The following ZFAT variants were observed in gnomAD, a reference collection of about 807,000 sequenced individuals.
ZFAT encodes zinc finger and AT-hook domain containing.
A neutral mutation model predicts 117.7 loss-of-function variants in ZFAT; 64 were observed. The ratio of observed to expected loss-of-function variants is 0.54; its 90% CI spans 0.44 to 0.67. The LOEUF (loss-of-function observed/expected upper bound fraction) is 0.67, where lower values mean the gene tolerates loss of function less well. ZFAT is among the 30% of genes least tolerant of loss of function. The pLI is 0.00. For synonymous variants in ZFAT, 679 were observed against 615.0 expected (o/e 1.10, Z -1.54); for missense variants, 1,433 against 1,584.5 (o/e 0.90, Z 1.62).
chr8:134,799,684 G>A, the ZFAT span, among the ~76,000 whole-genome samples: 2 of 152,152 alleles, frequency 1.3e-5, no homozygotes, highest in Admixed American at 1.3e-4. Context: ...GAAGTAACTC[G>A]CAGAATCAAG....
At chr8:134,675,969 A>G (rs763871102) in intron 1 of ZFAT, among the ~76,000 whole-genome samples, 7 of 152,172 alleles carry the variant, frequency 4.6e-5, no homozygotes, top group African/African-American at 7.2e-5. Flanking sequence ...AGGAACAACC[A>G]GCACCAGCCA....
chr8:134,538,773 G>C (rs926157431), intron 11 of ZFAT, among the ~76,000 whole-genome samples: 7 of 148,416 alleles, frequency 4.7e-5, no homozygotes, highest in Non-Finnish European at 7.4e-5. Context: ...TTCCAGCCTG[G>C]GTGACAAAGT....
chr8:134,502,019 C>A (rs192705466), intron 15 of ZFAT, among the ~76,000 whole-genome samples: 5 of 152,324 alleles, frequency 3.3e-5, no homozygotes, highest in African/African-American at 1.2e-4. Flanking sequence ...TCTTTCAGAT[C>A]TTTTGCTGTG....
Position 134,509,619 on chromosome 8 carries a change from C to T in ZFAT, c.3492G>A (p.Gln1164=). Residue 1164 remains glutamine, a splice_region_variant and synonymous_variant, in exon 15 of 16, where the codon CAG becomes CAA. Transcript: ENST00000377838. ...MAPGTVTVVK[Q]VTEEEPSSNH... ...ATAGTTACAGAAGGAGGGTCCCTAC[C>T]TGCTTAACCACAGTCACCGTCCCTG... 2.5e-6 allele frequency: 4 copies of T among 1,613,422 alleles called. No individual in the cohort carries two copies. Among genetic ancestry groups the T allele is most frequent in the Non-Finnish European group, 3.4e-6 (4 of 1,179,756 alleles).
the ZFAT span, among the ~76,000 whole-genome samples, chr8:134,786,820 A>C: frequency 1.3e-4 from 19 of 147,460 alleles, no homozygotes; most frequent in Admixed American, 3.4e-4. Flanking sequence ...TTCATGCCTT[A>C]TTTCTTTCCT....
In ZFAT at chr8:134,667,727, G is replaced by A. The variant is rs141656266; in HGVS notation, c.20-9990C>T. 2.0e-4 allele frequency among the ~76,000 whole-genome samples: 30 copies of A among 152,206 alleles called. 1 individual carries two copies. Among genetic ancestry groups the A allele is most frequent in the African/African-American group, 3.6e-4 (15 of 41,554 alleles). On this transcript the variant is annotated intron_variant, in intron 1 of 15. Transcript: ENST00000377838. Reference sequence around the variant, plus strand: ...TTTATGGATTTCCAACTGAGGTACCGGGTTCATGTCACTGGGGCTCGTCGG... The same window carrying A: ...TTTATGGATTTCCAACTGAGGTACCAGGTTCATGTCACTGGGGCTCGTCGG...
At chr8:134,702,145 A>C (rs916544348) in intron 1 of ZFAT, among the ~76,000 whole-genome samples, 6 of 152,252 alleles carry the variant, frequency 3.9e-5, no homozygotes, top group Non-Finnish European at 7.3e-5. Context: ...CACCAGATGC[A>C]GCCCCTTGAC....
chr8:134,695,422 A>G (rs544700655), intron 1 of ZFAT, among the ~76,000 whole-genome samples: 37 of 148,670 alleles, frequency 2.5e-4, no homozygotes, highest in Non-Finnish European at 4.5e-4. Context: ...GCCATCTCCA[A>G]CCAAGGAGGC....
chr8:134,606,547 T>G (rs1053877297), intron 5 of ZFAT, among the ~76,000 whole-genome samples: 1 of 151,834 alleles, frequency 6.6e-6, no homozygotes, highest in African/African-American at 2.4e-5. Context: ...AAACCCCAAC[T>G]CTACTGAAAA....
At chr8:134,493,682 C>T (rs892734985) in intron 15 of ZFAT, among the ~76,000 whole-genome samples, 9 of 152,174 alleles carry the variant, frequency 5.9e-5, no homozygotes, top group Admixed American at 2.6e-4. Flanking sequence ...GCGTGAGGCA[C>T]GGCACTCATG....
the ZFAT span, among the ~76,000 whole-genome samples, chr8:134,754,102 G>A: frequency 6.6e-6 from 1 of 152,212 alleles, no homozygotes; most frequent in East Asian, 1.9e-4. Flanking sequence ...GGTGACTGGG[G>A]AAGCAGGGTG....
In ZFAT at chr8:134,602,747, C is replaced by T; in HGVS notation, c.972G>A (p.Glu324=). ...ACGAGCAATAGTCGCAGGCGAACTTCTCTCCAGTGTGCTTGCGCAGGTGCA... is the reference window on the plus strand; with the variant it reads ...ACGAGCAATAGTCGCAGGCGAACTTTTCTCCAGTGTGCTTGCGCAGGTGCA... ...LNVHLRKHTG[E]KFACDYCSFT... is the part of the protein sequence containing the mutation. Residue 324 remains glutamate, a synonymous_variant, in exon 6 of 16, where the codon GAG becomes GAA. Transcript: ENST00000377838. 6.2e-7 allele frequency: 1 copy of T among 1,613,772 alleles called. No homozygotes were observed. Among genetic ancestry groups the T allele is most frequent in the Non-Finnish European group, 8.5e-7 (1 of 1,179,700 alleles).
chr8:134,697,420 A>G (rs1007802222), intron 1 of ZFAT, among the ~76,000 whole-genome samples: 1 of 145,942 alleles, frequency 6.9e-6, no homozygotes, highest in African/African-American at 2.5e-5. Flanking sequence ...CTTTTTTTGT[A>G]TTTTTAGTAG....
chr8:134,691,489 CA>C (rs1833586042), intron 1 of ZFAT, among the ~76,000 whole-genome samples: 1 of 152,232 alleles, frequency 6.6e-6, no homozygotes, highest in Non-Finnish European at 1.5e-5. Flanking sequence ...ACTCTGGCCA[CA>C]GGGCAGCTTG....
At chr8:134,566,762 A>G (rs16905184) in intron 10 of ZFAT, among the ~76,000 whole-genome samples, 2,977 of 152,258 alleles carry the variant, frequency 0.02, 98 homozygotes, top group African/African-American at 0.068. Context: ...TGTTCCCACT[A>G]TGATGCCAAG....
At chr8:134,524,084 C>T (rs774270486) in intron 12 of ZFAT, among the ~76,000 whole-genome samples, 18 of 152,212 alleles carry the variant, frequency 1.2e-4, no homozygotes, top group Non-Finnish European at 1.6e-4. Flanking sequence ...GCGTCACTGA[C>T]TCTGGGTCTT....
In ZFAT at chr8:134,599,004, A is replaced by G. The variant is rs370561355; in HGVS notation, c.2475+1432T>C. 2.8e-4 allele frequency: 43 copies of G among 152,318 alleles called. No homozygotes were observed. The East Asian group carries it at 4.0e-3, about 14-fold the overall frequency. The allele number at this position is 152,318 out of a possible 1,614,324, so 9.4% of individuals were successfully genotyped here. On this transcript the variant is annotated intron_variant, in intron 7 of 15. Transcript: ENST00000377838. ...GCTTCTCCCAAGAACTTGTTCTCAT[A>G]TTGGCTTCACTCCCTCCCGACTTCA...
Position 134,488,158 on chromosome 8 carries a change from G to C in ZFAT, c.3493-9437C>G, listed in dbSNP as rs941242450. ...GGTCTGACTTCAGGAGGCACCTCAC[G>C]GCCCAGATGCTACTCAGTGGGGCCT... On this transcript the variant is annotated intron_variant, in intron 15 of 15. Coordinates refer to ENST00000377838, the MANE Select transcript of ZFAT (RefSeq NM_020863.4). Among the ~76,000 whole-genome samples the C allele has an allele frequency of 3.3e-5, 5 of 152,220 alleles. No individual in the cohort carries two copies. The South Asian group carries it at 1.0e-3, about 31-fold the overall frequency.
At chr8:134,773,437 T>C in the ZFAT span, among the ~76,000 whole-genome samples, 2 of 152,236 alleles carry the variant, frequency 1.3e-5, no homozygotes, top group Non-Finnish European at 2.9e-5. Flanking sequence ...ATGAGTGTTT[T>C]CATGCTTGCT....
Sources: allele counts gnomAD v4.1 joint callset (sites outside exome capture counted in the v4.1 genomes callset), GRCh38; gene constraint gnomAD v4.1.1; transcripts MANE v1.5; gene names NCBI Gene and HGNC (gene_info 2026-07-23, HGNC 2026-07-21).